The following SEC14L1 variants were observed in gnomAD, a reference collection of about 807,000 sequenced individuals.
SEC14L1 encodes SEC14 like lipid binding 1, also known as SEC14-like protein 1.
Under a neutral mutation model 85.3 loss-of-function variants are expected in SEC14L1, and 48 were observed. The observed-to-expected ratio is 0.56, with a 90% confidence interval of 0.45 to 0.72. The LOEUF (loss-of-function observed/expected upper bound fraction) is 0.72, where lower values mean the gene tolerates loss of function less well. SEC14L1 is among the 30% of genes least tolerant of loss of function. The pLI, the probability that SEC14L1 is intolerant of heterozygous loss-of-function variation, is 0.00. For synonymous variants in SEC14L1, 391 were observed against 355.5 expected, an observed-to-expected ratio of 1.10 and a Z score of -1.12; for missense variants, 682 against 921.4, an observed-to-expected ratio of 0.74 and a Z score of 3.36.
intron 3 of SEC14L1, among the ~76,000 whole-genome samples, chr17:77,110,088 T>C (rs1456004764): frequency 1.3e-5 from 2 of 152,214 alleles, no homozygotes; most frequent in Non-Finnish European, 2.9e-5. Context: ...AATAGAGGCA[T>C]GGAGTTGTTT....
chr17:77,212,619 A>G (rs1397189393), intron 15 of SEC14L1: 1 of 185,180 alleles, frequency 5.4e-6, no homozygotes. Flanking sequence ...ATTTGTTTCA[A>G]ATGCTTTCAG....
At chr17:77,142,582 AT>A (rs1973108769) in intron 1 of SEC14L1, 63 bp from the exon 2 acceptor site, 1 of 149,678 alleles carries the variant, frequency 6.7e-6, no homozygotes, top group Non-Finnish European at 1.5e-5. Flanking sequence ...AAAAAAAGGA[AT>A]CTTGGAAGTT....
intron 3 of SEC14L1, among the ~76,000 whole-genome samples, chr17:77,153,908 C>G (rs1973686797): frequency 2.0e-5 from 3 of 152,104 alleles, no homozygotes; most frequent in Non-Finnish European, 4.4e-5. Context: ...TTATATAGTT[C>G]TAGTGGAATT....
intron 3 of SEC14L1, among the ~76,000 whole-genome samples, chr17:77,156,871 T>G (rs1261013971): frequency 6.6e-6 from 1 of 152,182 alleles, no homozygotes; most frequent in East Asian, 1.9e-4. Context: ...TGTCCTGGTT[T>G]ATGTGTCACT....
chr17:77,147,297 C>T (rs1279361130), intron 3 of SEC14L1, among the ~76,000 whole-genome samples: 1 of 151,974 alleles, frequency 6.6e-6, no homozygotes, highest in Non-Finnish European at 1.5e-5. Context: ...AATAGGTACA[C>T]AGTCAGGTCA....
At chr17:77,110,779 G>C (rs929851687) in intron 3 of SEC14L1, among the ~76,000 whole-genome samples, 1 of 151,136 alleles carries the variant, frequency 6.6e-6, no homozygotes, top group East Asian at 1.9e-4. Flanking sequence ...AGCTACTCGG[G>C]AGGCTGAGGC....
intron 5 of SEC14L1, among the ~76,000 whole-genome samples, chr17:77,192,682 G>A (rs996695308): frequency 6.6e-6 from 1 of 151,450 alleles, no homozygotes; most frequent in Non-Finnish European, 1.5e-5. Context: ...TTTTCTTCAG[G>A]GATGGGATCT....
intron 3 of SEC14L1, among the ~76,000 whole-genome samples, chr17:77,135,867 C>G (rs912571752): frequency 2.0e-5 from 3 of 150,954 alleles, no homozygotes; most frequent in Non-Finnish European, 4.4e-5. Flanking sequence ...TCCTTCCTTC[C>G]TTCTCTTTCT....
chr17:77,210,848 A>G (rs1292485871), intron 14 of SEC14L1: 2 of 152,186 alleles, frequency 1.3e-5, no homozygotes, highest in African/African-American at 4.8e-5. Flanking sequence ...GTAGACATCC[A>G]CATGGTAAAA....
chr17:77,211,815 C>A, intron 14 of SEC14L1, 135 bp from the exon 15 acceptor site: 1 of 1,090,758 alleles, frequency 9.2e-7, no homozygotes, highest in Non-Finnish European at 1.3e-6. Flanking sequence ...GAAAGAGATC[C>A]GTCCATACGC....
intron 3 of SEC14L1, among the ~76,000 whole-genome samples, chr17:77,187,986 C>G (rs932059863): frequency 5.3e-5 from 8 of 152,134 alleles, no homozygotes; most frequent in Non-Finnish European, 7.4e-5. Flanking sequence ...CTCAAGTGAT[C>G]TGCACGCCTG....
chr17:77,096,206 G>A (rs1194632681), intron 3 of SEC14L1, among the ~76,000 whole-genome samples: 2 of 151,876 alleles, frequency 1.3e-5, no homozygotes, highest in Non-Finnish European at 2.9e-5. Context: ...TACAGATGGT[G>A]CTTTCAATAT....
At chr17:77,161,513 TAA>T (rs993106817) in intron 3 of SEC14L1, among the ~76,000 whole-genome samples, 9 of 151,980 alleles carry the variant, frequency 5.9e-5, no homozygotes, top group African/African-American at 2.2e-4. Context: ...AAAAGTTAAT[TAA>T]AAAATAAAAA....
chr17:77,182,380 C>T (rs1247416192), intron 3 of SEC14L1, among the ~76,000 whole-genome samples: 1 of 152,112 alleles, frequency 6.6e-6, no homozygotes, highest in Non-Finnish European at 1.5e-5. Flanking sequence ...GCTCAGAAAT[C>T]CCTTTTGAAA....
chr17:77,200,046 G>T (rs894347843), intron 8 of SEC14L1, among the ~76,000 whole-genome samples: 14 of 152,162 alleles, frequency 9.2e-5, no homozygotes, highest in African/African-American at 2.9e-4. Flanking sequence ...TGTGCCTGTG[G>T]TTCCAGCTGC....
intron 15 of SEC14L1, 61 bp downstream of exon 15, chr17:77,212,262 C>G: frequency 6.3e-7 from 1 of 1,582,794 alleles, no homozygotes; most frequent in Middle Eastern, 1.7e-4. Context: ...GTGATTCTGT[C>G]TTGAGTAGAC....
intron 9 of SEC14L1, among the ~76,000 whole-genome samples, chr17:77,202,633 AAGG>A (rs1976211709): frequency 6.6e-6 from 1 of 151,672 alleles, no homozygotes; most frequent in Non-Finnish European, 1.5e-5. Context: ...AAAAACAAAA[AAGG>A]AGGCCCAGCA....
chr17:77,196,960 G>A (rs567490990), intron 8 of SEC14L1, among the ~76,000 whole-genome samples: 5 of 152,146 alleles, frequency 3.3e-5, no homozygotes, highest in Non-Finnish European at 5.9e-5. Context: ...CCATCCTTCC[G>A]GCAGCTCTCT....
intron 3 of SEC14L1, among the ~76,000 whole-genome samples, chr17:77,132,633 GAAGT>G (rs149558455): frequency 0.013 from 1,915 of 152,332 alleles, 16 homozygotes; most frequent in Non-Finnish European, 0.021. Flanking sequence ...CAGAAAATAC[GAAGT>G]AAGTGCCCCT....
Sources: gnomAD v4.1 joint callset for allele counts (sites outside exome capture counted in the v4.1 genomes callset) on GRCh38, gnomAD v4.1.1 for gene constraint, MANE v1.5 for transcripts, NCBI Gene and HGNC (gene_info 2026-07-23, HGNC 2026-07-21) for gene names.